The following SYT16 variants were observed in gnomAD, a reference collection of about 807,000 sequenced individuals.
SYT16 encodes synaptotagmin-16.
A neutral mutation model predicts 61.4 loss-of-function variants in SYT16; 42 were observed. The observed-to-expected ratio is 0.68, with a 90% CI of 0.53 to 0.89. The LOEUF (loss-of-function observed/expected upper bound fraction) is 0.89, where lower values mean the gene tolerates loss of function less well. Ranked by LOEUF, SYT16 falls within the 40% of genes least tolerant of loss-of-function variation. SYT16 has a pLI of 0.00. For synonymous variants in SYT16, 314 were observed against 302.3 expected, an observed-to-expected ratio of 1.04 and a Z score of -0.40; for missense variants, 804 against 807.3, an observed-to-expected ratio of 1.00 and a Z score of 0.05.
At chr14:61,922,256 G>A (rs957713580) in intron 1 of SYT16, among the ~76,000 whole-genome samples, 13 of 152,204 alleles carry the variant, frequency 8.5e-5, no homozygotes, top group Admixed American at 5.9e-4. Flanking sequence ...AGCACTATTC[G>A]CAATAGTAAA....
intron 1 of SYT16, among the ~76,000 whole-genome samples, chr14:61,912,184 A>T (rs779605589): frequency 6.6e-6 from 1 of 152,248 alleles, no homozygotes; most frequent in Non-Finnish European, 1.5e-5. Context: ...CTGGGAGACT[A>T]AGAATTTATC....
intron 3 of SYT16, among the ~76,000 whole-genome samples, chr14:62,008,809 T>G (rs979617732): frequency 2.6e-5 from 4 of 152,138 alleles, no homozygotes; most frequent in African/African-American, 9.7e-5. Flanking sequence ...TTTGTTTTAT[T>G]TTTACTGCTA....
chr14:62,023,952 C>T (rs1159503062), intron 3 of SYT16, among the ~76,000 whole-genome samples: 1 of 151,984 alleles, frequency 6.6e-6, no homozygotes, highest in Non-Finnish European at 1.5e-5. Flanking sequence ...ATCAATTTCC[C>T]ATAAAAACCT....
At chr14:62,053,159 A>C (rs888844363) in intron 3 of SYT16, among the ~76,000 whole-genome samples, 1 of 152,212 alleles carries the variant, frequency 6.6e-6, no homozygotes, top group Non-Finnish European at 1.5e-5. Context: ...CTTCTAAGAG[A>C]ATACGTAAAT....
chr14:61,967,512 T>C (rs2051362105), intron 1 of SYT16, among the ~76,000 whole-genome samples: 1 of 152,160 alleles, frequency 6.6e-6, no homozygotes, highest in South Asian at 2.1e-4. Context: ...CGTGCCTGTC[T>C]CCTAGCTTCT....
At chr14:61,891,843 CTG>C (rs2048142975) in intron 1 of SYT16, among the ~76,000 whole-genome samples, 1 of 152,152 alleles carries the variant, frequency 6.6e-6, no homozygotes, top group African/African-American at 2.4e-5. Context: ...TTCTTGCTGG[CTG>C]TGTTATATAA....
chr14:61,812,476 G>A (rs2045298255), upstream of SYT16: 1 of 152,120 alleles, frequency 6.6e-6, no homozygotes, highest in Admixed American at 6.5e-5. Flanking sequence ...ATCCTCTTTG[G>A]GGGAGGGGCG....
chr14:61,967,809 A>G (rs1422391799), intron 1 of SYT16, among the ~76,000 whole-genome samples: 1 of 152,184 alleles, frequency 6.6e-6, no homozygotes, highest in Non-Finnish European at 1.5e-5. Context: ...AGGAGGCTTT[A>G]GAAGGGCAAT....
At chr14:62,007,589 C>T (rs868606861) in intron 3 of SYT16, among the ~76,000 whole-genome samples, 7 of 152,048 alleles carry the variant, frequency 4.6e-5, no homozygotes, top group East Asian at 1.9e-4. Flanking sequence ...ACGTATTTTG[C>T]AGTTTTGTGT....
At chr14:61,932,737 C>A (rs1336039307) in intron 1 of SYT16, among the ~76,000 whole-genome samples, 1 of 152,158 alleles carries the variant, frequency 6.6e-6, no homozygotes, top group Non-Finnish European at 1.5e-5. Context: ...TTCTCTCTCC[C>A]TTACACCCCT....
At chr14:61,931,198 A>T (rs887629170) in intron 1 of SYT16, among the ~76,000 whole-genome samples, 4 of 152,160 alleles carry the variant, frequency 2.6e-5, no homozygotes, top group African/African-American at 9.7e-5. Flanking sequence ...TGTAAATAGG[A>T]GGAAATTAGT....
chr14:62,031,584 C>T (rs1269158067), intron 3 of SYT16, among the ~76,000 whole-genome samples: 1 of 152,058 alleles, frequency 6.6e-6, no homozygotes, highest in Non-Finnish European at 1.5e-5. Context: ...AGTTAAAATC[C>T]AGGAGAGTCC....
At chr14:62,045,242 T>C (rs544231903) in intron 3 of SYT16, among the ~76,000 whole-genome samples, 118 of 152,302 alleles carry the variant, frequency 7.7e-4, no homozygotes, top group African/African-American at 2.6e-3. Flanking sequence ...CTGTATAAAT[T>C]ATCTTCCTTG....
intron 3 of SYT16, among the ~76,000 whole-genome samples, chr14:62,031,549 T>C (rs2054309438): frequency 6.6e-6 from 1 of 152,106 alleles, no homozygotes; most frequent in African/African-American, 2.4e-5. Context: ...GTGAGAAGAA[T>C]CACAGTGTTT....
chr14:61,953,012 G>A (rs2050733099), intron 1 of SYT16, among the ~76,000 whole-genome samples: 1 of 152,124 alleles, frequency 6.6e-6, no homozygotes. Context: ...TAGGACATTG[G>A]CAAAATAATA....
intron 2 of SYT16, among the ~76,000 whole-genome samples, chr14:61,975,340 G>A (rs535443274): frequency 6.6e-6 from 1 of 152,224 alleles, no homozygotes; most frequent in Admixed American, 6.5e-5. Flanking sequence ...ACTAAACATT[G>A]CCTGACCCCA....
intron 2 of SYT16, among the ~76,000 whole-genome samples, chr14:61,981,434 A>G (rs2052070265): frequency 6.6e-6 from 1 of 152,142 alleles, no homozygotes; most frequent in African/African-American, 2.4e-5. Flanking sequence ...AATCTTCACT[A>G]AAAAAACTTA....
At chr14:62,078,172 A>AAC (rs144022896) in intron 5 of SYT16, among the ~76,000 whole-genome samples, 1,574 of 128,756 alleles carry the variant, frequency 0.012, 16 homozygotes, top group South Asian at 0.021. Context: ...TATATATATA[A>AAC]ACACACACAC....
At chr14:61,915,869 C>G (rs899248991) in intron 1 of SYT16, among the ~76,000 whole-genome samples, 26 of 152,192 alleles carry the variant, frequency 1.7e-4, no homozygotes, top group African/African-American at 6.3e-4. Context: ...TTAATCCTTT[C>G]CCTGCTGACA....
Sources: allele counts gnomAD v4.1 joint callset (sites outside exome capture counted in the v4.1 genomes callset), GRCh38; gene constraint gnomAD v4.1.1; transcripts MANE v1.5; gene names NCBI Gene and HGNC (gene_info 2026-07-23, HGNC 2026-07-21).